The following KIF6 variants were observed in gnomAD, a reference collection of about 807,000 sequenced individuals.
KIF6 encodes kinesin family member 6, also known as kinesin-like protein KIF6.
A neutral mutation model predicts 112.7 loss-of-function variants in KIF6; 106 were observed. The observed-to-expected ratio is 0.94, with a 90% confidence interval of 0.80 to 1.11. The LOEUF (loss-of-function observed/expected upper bound fraction) is 1.11, where lower values mean the gene tolerates loss of function less well. Among genes scored for constraint, KIF6 ranks in the 50% least tolerant of loss-of-function variants. The pLI, the probability that KIF6 is intolerant of heterozygous loss-of-function variation, is 0.00. For synonymous variants in KIF6, 339 were observed against 339.9 expected (o/e 1.00, Z 0.03); for missense variants, 929 against 964.0 (o/e 0.96, Z 0.48).
chr6:39,347,434 C>G (rs1199751519), intron 19 of KIF6, among the ~76,000 whole-genome samples: 1 of 152,194 alleles, frequency 6.6e-6, no homozygotes, highest in Non-Finnish European at 1.5e-5. Flanking sequence ...GATTCCTGGC[C>G]AAGTGCAGTG....
chr6:39,706,443 T>C (rs989337482), intron 3 of KIF6, among the ~76,000 whole-genome samples: 2 of 152,240 alleles, frequency 1.3e-5, no homozygotes, highest in African/African-American at 4.8e-5. Context: ...AAGTCCTTGA[T>C]GGAGCTTGTC....
Position 39,443,156 on chromosome 6 carries a change from T to TAATA in KIF6, c.1646-11999_1646-11996dup, listed in dbSNP as rs1554217805. Among the ~76,000 whole-genome samples the TAATA allele has an allele frequency of 4.4e-3, 493 of 113,054 alleles. 4 individuals carry two copies. Among genetic ancestry groups the TAATA allele is most frequent in the African/African-American group, 0.015 (461 of 29,770 alleles). 74.2% of individuals were successfully genotyped at this position (113,054 alleles called of 152,430 possible). A position where few individuals can be genotyped will look rare whatever the true frequency, so the allele number is the denominator to read the frequency against. ...ATAATAATAATAATAATAATAATAA[T>TAATA]AATAAATAAAAATAAAAAAAAGAAA... On this transcript the variant is annotated intron_variant, in intron 13 of 22. Transcript: ENST00000287152.
chr6:39,462,192 C>T (rs530069045), intron 13 of KIF6, among the ~76,000 whole-genome samples: 4 of 152,214 alleles, frequency 2.6e-5, no homozygotes, highest in Middle Eastern at 3.4e-3. Context: ...TGTATGAGAA[C>T]GTTTGGAGGG....
intron 18 of KIF6, 124 bp from the exon 19 acceptor site, chr6:39,357,498 G>T: frequency 1.7e-6 from 1 of 590,728 alleles, no homozygotes; most frequent in East Asian, 3.0e-5. Context: ...GCCCAGGCTG[G>T]AGTGCAGTGG....
intron 14 of KIF6, among the ~76,000 whole-genome samples, chr6:39,420,807 T>C (rs1376620488): frequency 1.3e-5 from 2 of 152,340 alleles, no homozygotes; most frequent in East Asian, 3.9e-4. Flanking sequence ...TGTTTTTTTT[T>C]CACTTAGCAT....
chr6:39,654,341 C>G (rs1785649059), intron 3 of KIF6, among the ~76,000 whole-genome samples: 1 of 152,152 alleles, frequency 6.6e-6, no homozygotes, highest in East Asian at 1.9e-4. Flanking sequence ...TCATCTATTC[C>G]TCCTCCTCTC....
intron 3 of KIF6, among the ~76,000 whole-genome samples, chr6:39,707,240 T>TTACTTCCC (rs1186211690): frequency 6.6e-6 from 1 of 152,218 alleles, no homozygotes; most frequent in African/African-American, 2.4e-5. Context: ...TGTAGAAACC[T>TTACTTCCC]TACTTCCCTT....
intron 7 of KIF6, among the ~76,000 whole-genome samples, chr6:39,589,409 C>G (rs1345757125): frequency 6.6e-6 from 1 of 152,152 alleles, no homozygotes; most frequent in Non-Finnish European, 1.5e-5. Context: ...CTCTGCAAGG[C>G]CAGAGACGTT....
At chr6:39,716,617 T>G (rs1582518667) in intron 2 of KIF6, among the ~76,000 whole-genome samples, 1 of 152,114 alleles carries the variant, frequency 6.6e-6, no homozygotes, top group African/African-American at 2.4e-5. Flanking sequence ...GTCTAATGAT[T>G]AACAGAGGAA....
chr6:39,613,581 A>C (rs978804200), intron 5 of KIF6, among the ~76,000 whole-genome samples: 1 of 152,200 alleles, frequency 6.6e-6, no homozygotes, highest in Non-Finnish European at 1.5e-5. Context: ...AGATCGCTAA[A>C]TCATCTTAGA....
At chr6:39,431,229 C>T (rs2150381422) in intron 13 of KIF6, 68 bp from the exon 14 acceptor site, 1 of 919,196 alleles carries the variant, frequency 1.1e-6, no homozygotes, top group Non-Finnish European at 1.7e-6. Flanking sequence ...ATTGTCACTT[C>T]AGTCAGACCA....
At chr6:39,685,767 C>G (rs74365476) in intron 3 of KIF6, among the ~76,000 whole-genome samples, 1 of 152,124 alleles carries the variant, frequency 6.6e-6, no homozygotes, top group Non-Finnish European at 1.5e-5. Flanking sequence ...GGTCCAACCC[C>G]ACATGGGGCA....
chr6:39,357,613 A>G (rs1479840920), intron 18 of KIF6, among the ~76,000 whole-genome samples: 1 of 151,972 alleles, frequency 6.6e-6, no homozygotes, highest in African/African-American at 2.4e-5. Context: ...CATGCCCGGC[A>G]AATTTTTGTA....
At position 39,583,674 on chromosome 6, in the gene KIF6, C is replaced by CTTTTT. The variant is rs564229262; in HGVS notation, c.1077+1219_1077+1223dup. Among the ~76,000 whole-genome samples, 7 of 71,688 alleles carry CTTTTT rather than the reference C, an allele frequency of 9.8e-5. 2 individuals are homozygous for CTTTTT. Among genetic ancestry groups the CTTTTT allele is most frequent in the African/African-American group, 2.0e-4 (4 of 20,254 alleles). The allele number at this position is 71,688 out of a possible 152,430, so 47.0% of individuals were successfully genotyped here. A position where few individuals can be genotyped will look rare whatever the true frequency, so the allele number is the denominator to read the frequency against. On this transcript the variant is annotated intron_variant, in intron 9 of 22. Transcript: ENST00000287152. Reference sequence around the variant, plus strand: ...AAACACTGTTGGTAGGATTTCACTTCTTTTTTTTTTTTTTTTTTTTTTTTT... The same window carrying CTTTTT: ...AAACACTGTTGGTAGGATTTCACTTCTTTTTTTTTTTTTTTTTTTTTTTTTTTTTT...
intron 3 of KIF6, among the ~76,000 whole-genome samples, chr6:39,711,911 C>G (rs999031833): frequency 6.6e-6 from 1 of 152,054 alleles, no homozygotes; most frequent in African/African-American, 2.4e-5. Flanking sequence ...GAGAGCAAGA[C>G]AGAGACAGAG....
At position 39,343,885 on chromosome 6, in the gene KIF6, C is replaced by A. The variant is rs1763502463; in HGVS notation, c.2322-70G>T. 1.1e-6 allele frequency: 1 copy of A among 927,318 alleles called. No individual in the cohort carries two copies. Among genetic ancestry groups the A allele is most frequent in the Admixed American group, 2.6e-5 (1 of 38,108 alleles). 57.4% of individuals were successfully genotyped at this position (927,318 alleles called of 1,614,324 possible). On this transcript the variant is annotated intron_variant, in intron 21 of 22. Coordinates refer to ENST00000287152, the MANE Select transcript of KIF6 (RefSeq NM_145027.6). The surrounding 1 kb of genome is among the most constrained non-coding windows in gnomAD (Gnocchi z 4.1). Reference sequence around the variant, plus strand: ...ACTCACCACTTATATTTCCAAAATGCTTTTCCATTTTAGGTGACTGATCTC... The same window carrying A: ...ACTCACCACTTATATTTCCAAAATGATTTTCCATTTTAGGTGACTGATCTC...
intron 15 of KIF6, among the ~76,000 whole-genome samples, chr6:39,393,192 A>G (rs1257819173): frequency 6.6e-6 from 1 of 152,226 alleles, no homozygotes; most frequent in African/African-American, 2.4e-5. Context: ...ATTATCAGTC[A>G]TAAGAAGACA....
chr6:39,679,521 A>G (rs1016424685), intron 3 of KIF6, among the ~76,000 whole-genome samples: 7 of 151,920 alleles, frequency 4.6e-5, no homozygotes, highest in Non-Finnish European at 8.8e-5. Context: ...TTCTCTCTCC[A>G]TGGAATGCTA....
intron 6 of KIF6, among the ~76,000 whole-genome samples, chr6:39,597,782 T>C (rs185924150): frequency 2.6e-4 from 40 of 152,260 alleles, no homozygotes; most frequent in Admixed American, 2.4e-3. Flanking sequence ...TAATCCAAAA[T>C]GTAAAAACTT....
Sources: allele counts gnomAD v4.1 joint callset (sites outside exome capture counted in the v4.1 genomes callset), GRCh38; gene constraint gnomAD v4.1.1; non-coding constraint Gnocchi (gnomAD v3.1); transcripts MANE v1.5; gene names NCBI Gene and HGNC (gene_info 2026-07-23, HGNC 2026-07-21).